KCNQ1OT1: variants seen among roughly 807,000 people sequenced by gnomAD.
KCNQ1OT1 encodes the protein KCNQ1 antisense RNA 2 (non-protein coding).
chr11:2,616,686 G>A (rs1271549297), exon 1 of KCNQ1OT1: 3 of 398,020 alleles, frequency 7.5e-6, no homozygotes, highest in Non-Finnish European at 1.3e-5. Context: ...CCCTGAATTT[G>A]TTAATTTTTA....
exon 1 of KCNQ1OT1, chr11:2,684,711 GGCCTGGAGAGAACCCAGGGTAGGTCT>G: frequency 2.5e-6 from 1 of 398,668 alleles, no homozygotes; most frequent in East Asian, 3.6e-5. Context: ...CAGGCGGAGG[GGCCTGGAGAGAACCCAGGGTAGGTCT>G]GCCTGGGAGA....
rs1399146512 is a variant in KCNQ1OT1 at position 2,627,206 on chromosome 11, CAAATT to C, written n.72784_72788del. 2 of 398,294 alleles carry C rather than the reference CAAATT, an allele frequency of 5.0e-6. No individual in the cohort carries two copies. Among genetic ancestry groups the C allele is most frequent in the East Asian group, 7.1e-5 (2 of 28,058 alleles). 24.7% of individuals were successfully genotyped at this position (398,294 alleles called of 1,614,324 possible). On this transcript the variant is annotated non_coding_transcript_exon_variant, in exon 1 of 1. Transcript: ENST00000597346. The surrounding 1 kb of genome is among the most constrained non-coding windows in gnomAD (Gnocchi z 4.9). ...TCAGCTTTTATTGAGGTATAATTGACAAATTAAAAGTGCATATATTTAAGAACATA... is the reference window on the plus strand; with the variant it reads ...TCAGCTTTTATTGAGGTATAATTGACAAAAGTGCATATATTTAAGAACATA...
chr11:2,652,821 G>T lies in KCNQ1OT1; in HGVS notation n.47174C>A. ...CCCTTGGGCCTGCAGAGACATTTCC[G>T]TTCACTCTGAGATTTGTGTATGCTG... is the stretch of plus-strand genomic sequence containing the variant. On this transcript the variant is annotated non_coding_transcript_exon_variant, in exon 1 of 1. Transcript: ENST00000597346. The surrounding 1 kb of genome is among the most constrained non-coding windows in gnomAD (Gnocchi z 5.9). 2.5e-6 allele frequency: 1 copy of T among 398,966 alleles called. No individual in the cohort carries two copies. Among genetic ancestry groups the T allele is most frequent in the Non-Finnish European group, 4.4e-6 (1 of 226,404 alleles). 24.7% of individuals were successfully genotyped at this position (398,966 alleles called of 1,614,324 possible).
In KCNQ1OT1 at chr11:2,642,480, G is replaced by T. The variant is rs925910703; in HGVS notation, n.57515C>A. The T allele has an allele frequency of 4.3e-5, 17 of 397,832 alleles. No individual in the cohort carries two copies. Among genetic ancestry groups the T allele is most frequent in the Non-Finnish European group, 7.5e-5 (17 of 225,714 alleles). 24.6% of individuals were successfully genotyped at this position (397,832 alleles called of 1,614,324 possible). A position where few individuals can be genotyped will look rare whatever the true frequency, so the allele number is the denominator to read the frequency against. On this transcript the variant is annotated non_coding_transcript_exon_variant, in exon 1 of 1. Transcript: ENST00000597346. The surrounding 1 kb of genome is among the most constrained non-coding windows in gnomAD (Gnocchi z 4.3). ...TAATCAATTTATTGATCAGACTGAA[G>T]AGTTTTGATTTTTGTATTTCATGGT...
At position 2,652,091 on chromosome 11, in the gene KCNQ1OT1, C is replaced by T; in HGVS notation, n.47904G>A. ...TGAGAAGCTATGGGGAGCCTCTCGG[C>T]CCCAGTTCTGGCCTGGCTGGGAGGT... On this transcript the variant is annotated non_coding_transcript_exon_variant, in exon 1 of 1. Transcript: ENST00000597346. This position sits in a 1 kb window ranked among gnomAD's most constrained non-coding sequence, Gnocchi z 5.9. The T allele has an allele frequency of 2.5e-6, 1 of 398,676 alleles. No individual in the cohort carries two copies. The highest frequency in any genetic ancestry group is 4.4e-5 in the Admixed American group (1 of 22,738). The allele number at this position is 398,676 out of a possible 1,614,324, so 24.7% of individuals were successfully genotyped here. A position where few individuals can be genotyped will look rare whatever the true frequency, so the allele number is the denominator to read the frequency against.
rs541626742 is a variant in KCNQ1OT1, at chr11:2,668,602, T to C, written n.31393A>G. 1.3e-5 allele frequency: 5 copies of C among 398,664 alleles called. No homozygotes were observed. Among genetic ancestry groups the C allele is most frequent in the African/African-American group, 1.0e-4 (5 of 48,756 alleles). The allele number at this position is 398,664 out of a possible 1,614,324, so 24.7% of individuals were successfully genotyped here. A position where few individuals can be genotyped will look rare whatever the true frequency, so the allele number is the denominator to read the frequency against. On this transcript the variant is annotated non_coding_transcript_exon_variant, in exon 1 of 1. Transcript: ENST00000597346. The surrounding 1 kb of genome is among the most constrained non-coding windows in gnomAD (Gnocchi z 4.3). ...AGTCAGATACATCATTCTGTATAAATTGCCTACATCTTCTGCCTGTTTTAT... is the reference window on the plus strand; with the variant it reads ...AGTCAGATACATCATTCTGTATAAACTGCCTACATCTTCTGCCTGTTTTAT...
At chr11:2,689,529 C>T (rs1327996494) in exon 1 of KCNQ1OT1, 2 of 398,656 alleles carry the variant, frequency 5.0e-6, no homozygotes, top group Non-Finnish European at 8.8e-6. Context: ...CCTGTCCCAG[C>T]ATGAAGCTTG....
Position 2,679,345 on chromosome 11 carries a change from C to A in KCNQ1OT1, n.20650G>T, listed in dbSNP as rs1462312391. On this transcript the variant is annotated non_coding_transcript_exon_variant, in exon 1 of 1. Transcript: ENST00000597346. This position sits in a 1 kb window ranked among gnomAD's most constrained non-coding sequence, Gnocchi z 4.8. ...ACTCATATCCTAATTCCACTACTTT[C>A]TACCTGCTACACCTTGAGTGAGTCA... 5 of 398,522 alleles carry A rather than the reference C, an allele frequency of 1.3e-5. No individual in the cohort carries two copies. The highest frequency in any genetic ancestry group is 1.8e-5 in the Non-Finnish European group (4 of 226,066). 24.7% of individuals were successfully genotyped at this position (398,522 alleles called of 1,614,324 possible).
chr11:2,644,288 AT>A (rs1849630679), exon 1 of KCNQ1OT1: 1 of 397,946 alleles, frequency 2.5e-6, no homozygotes, highest in Non-Finnish European at 4.4e-6. Flanking sequence ...TTTTTTCTAT[AT>A]TTTTGTCTGA....
exon 1 of KCNQ1OT1, chr11:2,672,777 C>T (rs934920816): frequency 4.0e-5 from 16 of 398,664 alleles, no homozygotes; most frequent in Non-Finnish European, 6.6e-5. Context: ...CTCCTCCCCG[C>T]AACAGATCCA....
rs1221283721 is a variant in KCNQ1OT1, at chr11:2,698,462, C to G, written n.1533G>C. The G allele has an allele frequency of 2.5e-6, 1 of 398,448 alleles. No individual in the cohort carries two copies. The highest frequency in any genetic ancestry group is 2.1e-5 in the African/African-American group (1 of 48,576). The allele number at this position is 398,448 out of a possible 1,614,324, so 24.7% of individuals were successfully genotyped here. A position where few individuals can be genotyped will look rare whatever the true frequency, so the allele number is the denominator to read the frequency against. ...GACTGAGACCTGCATCTGATCAACT[C>G]TCATCTCCAATATGACCAAGAGACT... On this transcript the variant is annotated non_coding_transcript_exon_variant, in exon 1 of 1. Coordinates refer to ENST00000597346, the Ensembl canonical transcript of KCNQ1OT1. The surrounding 1 kb of genome is among the most constrained non-coding windows in gnomAD (Gnocchi z 5.1).
At chr11:2,688,429 C>T in exon 1 of KCNQ1OT1, 1 of 398,756 alleles carries the variant, frequency 2.5e-6, no homozygotes, top group Admixed American at 4.4e-5. Context: ...TGGGCCCCAG[C>T]CCCTGCCTGT....
exon 1 of KCNQ1OT1, chr11:2,672,104 G>A: frequency 2.5e-6 from 1 of 398,724 alleles, no homozygotes; most frequent in Non-Finnish European, 4.4e-6. Flanking sequence ...TCTGCCCACA[G>A]GGGACCTTTC....
chr11:2,629,445 A>C, exon 1 of KCNQ1OT1: 1 of 398,294 alleles, frequency 2.5e-6, no homozygotes, highest in Non-Finnish European at 4.4e-6. Context: ...TTTTCTTCTA[A>C]GAGTTTTATA....
In KCNQ1OT1 at chr11:2,687,684, GGTTCAGT is replaced by G. The variant is rs1850514504; in HGVS notation, n.12304_12310del. 1.8e-5 allele frequency: 7 copies of G among 398,596 alleles called. No homozygotes were observed. Among genetic ancestry groups the G allele is most frequent in the Non-Finnish European group, 3.1e-5 (7 of 226,160 alleles). The allele number at this position is 398,596 out of a possible 1,614,324, so 24.7% of individuals were successfully genotyped here. On this transcript the variant is annotated non_coding_transcript_exon_variant, in exon 1 of 1. Coordinates refer to ENST00000597346, the Ensembl canonical transcript of KCNQ1OT1. The surrounding 1 kb of genome is among the most constrained non-coding windows in gnomAD (Gnocchi z 5.0). ...GCCAGCCAGGTCTCAGGGAGCTCAG[GGTTCAGT>G]GTTGGAATGGGTCTGGGCCCAGATT...
At chr11:2,630,181 G>A (rs1402774835) in exon 1 of KCNQ1OT1, 10 of 398,058 alleles carry the variant, frequency 2.5e-5, no homozygotes, top group Admixed American at 1.3e-4. Context: ...ATGATTGTAT[G>A]ATTTTTATCT....
chr11:2,679,699 A>G lies in KCNQ1OT1; in HGVS notation n.20296T>C, dbSNP rs1850355530. 1 of 398,420 alleles carries G rather than the reference A, an allele frequency of 2.5e-6. No individual in the cohort carries two copies. Among genetic ancestry groups the G allele is most frequent in the Admixed American group, 4.4e-5 (1 of 22,710 alleles). The allele number at this position is 398,420 out of a possible 1,614,324, so 24.7% of individuals were successfully genotyped here. A position where few individuals can be genotyped will look rare whatever the true frequency, so the allele number is the denominator to read the frequency against. ...GGATCCCAGATTAGATTTTTTTTAAATCAGCCGTTCTCTGTATTCTTGTCC... is the reference window on the plus strand; with the variant it reads ...GGATCCCAGATTAGATTTTTTTTAAGTCAGCCGTTCTCTGTATTCTTGTCC... On this transcript the variant is annotated non_coding_transcript_exon_variant, in exon 1 of 1. Coordinates refer to ENST00000597346, the Ensembl canonical transcript of KCNQ1OT1. The surrounding 1 kb of genome is among the most constrained non-coding windows in gnomAD (Gnocchi z 4.8).
chr11:2,672,029 T>C (rs1175309818), exon 1 of KCNQ1OT1: 4 of 398,544 alleles, frequency 1.0e-5, no homozygotes, highest in African/African-American at 2.1e-5. Flanking sequence ...CTCCCTACCC[T>C]GGCCCGGTCT....
At chr11:2,631,637 G>A (rs76489785) in exon 1 of KCNQ1OT1, 5,572 of 398,332 alleles carry the variant, frequency 0.014, 157 homozygotes, top group East Asian at 0.079. Flanking sequence ...ATGTTTCCTT[G>A]GTTTTTCTGT....
Sources: allele counts gnomAD v4.1 joint callset, GRCh38; gene constraint gnomAD v4.1.1; non-coding constraint Gnocchi (gnomAD v3.1); transcripts MANE v1.5; gene names NCBI Gene and HGNC (gene_info 2026-07-23, HGNC 2026-07-21).